TSPAN18: variants seen among roughly 807,000 people sequenced by gnomAD.
TSPAN18 encodes the protein tetraspanin 18.
TSPAN18 carries 14 observed loss-of-function variants against 27.3 expected under a neutral mutation model. The ratio of observed to expected loss-of-function variants is 0.51; its 90% CI spans 0.34 to 0.80. TSPAN18 has a LOEUF of 0.80. Ranked by LOEUF, TSPAN18 falls within the 30% of genes least tolerant of loss-of-function variation. The pLI is 0.01. For synonymous variants in TSPAN18, 143 were observed against 136.5 expected (o/e 1.05, Z -0.33); for missense variants, 268 against 323.9 (o/e 0.83, Z 1.32).
intron 2 of TSPAN18, among the ~76,000 whole-genome samples, chr11:44,772,652 T>G (rs11038138): frequency 0.019 from 2,872 of 152,264 alleles, 103 homozygotes; most frequent in African/African-American, 0.066. Context: ...TTTGCATTGT[T>G]ATTTATTGAT....
chr11:44,881,771 C>G (rs1227200838), intron 3 of TSPAN18, among the ~76,000 whole-genome samples: 1 of 152,166 alleles, frequency 6.6e-6, no homozygotes, highest in African/African-American at 2.4e-5. Context: ...GCCAACCGTT[C>G]TTGACCCTGT....
chr11:44,827,446 G>A (rs1355716396), intron 2 of TSPAN18, among the ~76,000 whole-genome samples: 1 of 152,240 alleles, frequency 6.6e-6, no homozygotes, highest in Non-Finnish European at 1.5e-5. Context: ...CTAGAGGAGG[G>A]TAGGTGATTC....
chr11:44,732,825 A>C (rs1246439201), intron 1 of TSPAN18, among the ~76,000 whole-genome samples: 1 of 152,222 alleles, frequency 6.6e-6, no homozygotes, highest in African/African-American at 2.4e-5. Flanking sequence ...TGAAAATCAG[A>C]ATAACAGCAA....
At chr11:44,892,159 A>G (rs1177286256) in intron 3 of TSPAN18, among the ~76,000 whole-genome samples, 2 of 152,122 alleles carry the variant, frequency 1.3e-5, no homozygotes, top group African/African-American at 4.8e-5. Flanking sequence ...CATCTCCCAG[A>G]ACTGGGGTTT....
At chr11:44,908,782 A>AGAAG in intron 4 of TSPAN18, among the ~76,000 whole-genome samples, 1 of 115,540 alleles carries the variant, frequency 8.7e-6, no homozygotes, top group Non-Finnish European at 1.7e-5. Flanking sequence ...AAAGAAAGAA[A>AGAAG]GAAAGAAAGA....
intron 2 of TSPAN18, among the ~76,000 whole-genome samples, chr11:44,854,784 C>T (rs1269844300): frequency 6.6e-6 from 1 of 152,198 alleles, no homozygotes; most frequent in African/African-American, 2.4e-5. Context: ...CTCCCCTTCT[C>T]TGTCTCTCTG....
intron 2 of TSPAN18, among the ~76,000 whole-genome samples, chr11:44,792,513 C>T (rs1856251845): frequency 6.6e-6 from 1 of 152,168 alleles, no homozygotes; most frequent in African/African-American, 2.4e-5. Flanking sequence ...ACAGTAGGTG[C>T]TACCTAAGTG....
chr11:44,740,093 C>T (rs1854896533), intron 1 of TSPAN18, among the ~76,000 whole-genome samples: 1 of 152,228 alleles, frequency 6.6e-6, no homozygotes, highest in Non-Finnish European at 1.5e-5. Context: ...GGGTCAGTGG[C>T]TTATTCTCTT....
intron 2 of TSPAN18, among the ~76,000 whole-genome samples, chr11:44,795,414 T>C (rs906766867): frequency 6.6e-6 from 1 of 152,124 alleles, no homozygotes; most frequent in Non-Finnish European, 1.5e-5. Flanking sequence ...GTAAGCCAGA[T>C]GATTTCTCTA....
At chr11:44,903,987 A>G in intron 3 of TSPAN18, 3 of 405,874 alleles carry the variant, frequency 7.4e-6, no homozygotes, top group South Asian at 5.4e-5. Flanking sequence ...GTAAATGCTC[A>G]ATAAATAGTA....
chr11:44,903,380 T>C lies in TSPAN18; in HGVS notation c.-10-3027T>C, dbSNP rs559904968. 52 of 448,192 alleles carry C rather than the reference T, an allele frequency of 1.2e-4. 1 individual carries two copies. The highest frequency in any genetic ancestry group is 7.5e-4 in the South Asian group (48 of 63,726). The allele number at this position is 448,192 out of a possible 1,614,324, so 27.8% of individuals were successfully genotyped here. ...CCTCTGGGGGACTCTCCTTTGATGG[T>C]GGTGATAGGAAAGTCAGGGCAGGAA... On this transcript the variant is annotated intron_variant, in intron 3 of 9. Transcript: ENST00000520358.
intron 2 of TSPAN18, among the ~76,000 whole-genome samples, chr11:44,806,406 C>T (rs761753284): frequency 2.3e-4 from 35 of 152,164 alleles, no homozygotes; most frequent in Non-Finnish European, 4.9e-4. Context: ...GGTTGGGTGC[C>T]TGTTGGGTGC....
At chr11:44,829,081 A>G (rs12794291) in intron 2 of TSPAN18, among the ~76,000 whole-genome samples, 27,030 of 152,244 alleles carry the variant, frequency 0.18, 3,198 homozygotes, top group Non-Finnish European at 0.27. Flanking sequence ...GAAAAGTACA[A>G]AGTTCCCAGA....
intron 3 of TSPAN18, among the ~76,000 whole-genome samples, chr11:44,864,484 C>T (rs905773577): frequency 2.0e-5 from 3 of 152,140 alleles, no homozygotes. Flanking sequence ...CTCAGGGTCC[C>T]TGCTCTCGGC....
chr11:44,769,753 G>A (rs1223780201), intron 2 of TSPAN18, among the ~76,000 whole-genome samples: 1 of 152,196 alleles, frequency 6.6e-6, no homozygotes, highest in Admixed American at 6.5e-5. Context: ...CATGGGAACT[G>A]TAGTGATATC....
chr11:44,926,300 C>G (rs1419466049), intron 8 of TSPAN18: 1 of 196,616 alleles, frequency 5.1e-6, no homozygotes, highest in African/African-American at 2.3e-5. Flanking sequence ...GCAGCAGCTG[C>G]TGATGTGAAA....
chr11:44,906,566 G>GTGCTCGCCCCA, intron 4 of TSPAN18, 87 bp downstream of exon 4: 1 of 1,335,836 alleles, frequency 7.5e-7, no homozygotes, highest in Non-Finnish European at 1.1e-6. Flanking sequence ...CTGAGTCCCT[G>GTGCTCGCCCCA]GGGCGAGCAC....
intron 3 of TSPAN18, among the ~76,000 whole-genome samples, chr11:44,896,782 G>A (rs4755913): frequency 0.81 from 122,397 of 151,694 alleles, 49,729 homozygotes; most frequent in East Asian, 0.97. Context: ...CCTCCACGCT[G>A]CCACCACCAC....
Position 44,918,082 on chromosome 11 carries a change from T to C in TSPAN18, c.333+36T>C, listed in dbSNP as rs377070723. ...GGCCCCAAGCTTTCCTGCCTCCTGC[T>C]ATCAGCAAGGGGTTGGTGGCCATTC... is the stretch of plus-strand genomic sequence containing the variant. On this transcript the variant is annotated intron_variant, in intron 6 of 9. Transcript: ENST00000520358. The C allele has an allele frequency of 1.9e-6, 3 of 1,605,668 alleles. No homozygotes were observed. In the African/African-American group the frequency reaches 4.0e-5, roughly 21 times the overall value.
Sources: allele counts gnomAD v4.1 joint callset (sites outside exome capture counted in the v4.1 genomes callset), GRCh38; gene constraint gnomAD v4.1.1; transcripts MANE v1.5; gene names NCBI Gene and HGNC (gene_info 2026-07-23, HGNC 2026-07-21).